Variants in CDH13 observed in about 807,000 individuals in gnomAD.
The protein encoded by CDH13 is cadherin-13.
A neutral mutation model predicts 63.8 loss-of-function variants in CDH13; 24 were observed. The observed-to-expected ratio is 0.38, with a 90% confidence interval of 0.27 to 0.53. CDH13 has a LOEUF of 0.53. CDH13 is among the 20% of genes least tolerant of loss of function. The probability of loss-of-function intolerance (pLI) is 0.85; values close to 1 mark genes in which losing one functional copy is unlikely to be tolerated. For missense variants in CDH13, 1,049 were observed against 903.1 expected (o/e 1.16, Z -2.07); for synonymous variants, 503 against 355.3 (o/e 1.42, Z -4.67).
intron 4 of CDH13, among the ~76,000 whole-genome samples, chr16:83,192,907 T>C (rs950712150): frequency 1.3e-5 from 2 of 152,088 alleles, no homozygotes; most frequent in Non-Finnish European, 2.9e-5. Context: ...AAATGGTGCA[T>C]GTGTCTTTAC....
At chr16:83,184,544 C>A (rs984091713) in intron 4 of CDH13, among the ~76,000 whole-genome samples, 2 of 152,116 alleles carry the variant, frequency 1.3e-5, no homozygotes, top group African/African-American at 4.8e-5. Context: ...CAACTGAGGT[C>A]AGGATTTCAA....
chr16:82,884,440 T>A, intron 2 of CDH13: 1 of 307,234 alleles, frequency 3.3e-6, no homozygotes, highest in South Asian at 3.0e-5. Flanking sequence ...GATGCTTAGT[T>A]AACAGCAGCA....
intron 4 of CDH13, among the ~76,000 whole-genome samples, chr16:83,188,066 G>A (rs1290361259): frequency 6.6e-6 from 1 of 152,208 alleles, no homozygotes; most frequent in African/African-American, 2.4e-5. Context: ...TTAGATAGGA[G>A]AAAAGCTGTG....
chr16:83,002,346 C>T (rs536051754), intron 2 of CDH13, among the ~76,000 whole-genome samples: 3 of 152,150 alleles, frequency 2.0e-5, no homozygotes, highest in Non-Finnish European at 4.4e-5. Context: ...GGCCTCAAGC[C>T]AAGAAACACC....
chr16:83,252,530 T>C (rs2151826805), intron 5 of CDH13, among the ~76,000 whole-genome samples: 1 of 152,220 alleles, frequency 6.6e-6, no homozygotes, highest in East Asian at 1.9e-4. Flanking sequence ...TCTTTCCTCA[T>C]GCTAAGAATG....
chr16:83,131,020 A>G (rs1022518631), intron 4 of CDH13, among the ~76,000 whole-genome samples: 24 of 152,184 alleles, frequency 1.6e-4, no homozygotes, highest in African/African-American at 5.8e-4. Context: ...ACTGATACAT[A>G]ATTTATCTGT....
intron 5 of CDH13, among the ~76,000 whole-genome samples, chr16:83,274,225 G>C (rs915569935): frequency 3.3e-5 from 5 of 152,222 alleles, no homozygotes; most frequent in Admixed American, 1.3e-4. Context: ...CTGGCAGGAA[G>C]GTGGCCTTAG....
chr16:82,792,625 G>T (rs1461553940), intron 1 of CDH13, among the ~76,000 whole-genome samples: 2 of 152,104 alleles, frequency 1.3e-5, no homozygotes, highest in African/African-American at 4.8e-5. Context: ...CAACTCTGAG[G>T]ACAAAGCCTG....
rs1450629730 is a variant in CDH13, at chr16:83,785,202, G to C, written c.2134+1730G>C. 2.6e-5 allele frequency among the ~76,000 whole-genome samples: 4 copies of C among 152,214 alleles called. No homozygotes were observed. In the South Asian group the frequency reaches 8.3e-4, roughly 32 times the overall value. On this transcript the variant is annotated intron_variant, in intron 13 of 13. Transcript: ENST00000567109. ...ACTATAACAAAATACCATAAACTGG[G>C]TGGCTTATAAATAACAGAGATGTAT...
At chr16:83,161,247 G>C (rs962016675) in intron 4 of CDH13, among the ~76,000 whole-genome samples, 1 of 152,238 alleles carries the variant, frequency 6.6e-6, no homozygotes, top group East Asian at 1.9e-4. Flanking sequence ...TGCTGGATTT[G>C]AGTAAAAGAC....
At chr16:82,901,324 CTGTG>C (rs61370328) in intron 2 of CDH13, among the ~76,000 whole-genome samples, 5,857 of 130,324 alleles carry the variant, frequency 0.045, 138 homozygotes, top group Non-Finnish European at 0.057. Flanking sequence ...TAGTATTCTC[CTGTG>C]TGTGTGTGTG....
intron 1 of CDH13, among the ~76,000 whole-genome samples, chr16:82,780,151 G>C (rs941173123): frequency 1.3e-5 from 2 of 152,092 alleles, no homozygotes; most frequent in African/African-American, 4.8e-5. Flanking sequence ...GTTGCTTGTA[G>C]GAATGGGGGT....
intron 4 of CDH13, among the ~76,000 whole-genome samples, chr16:83,128,688 T>G (rs1418412636): frequency 6.6e-6 from 1 of 152,242 alleles, no homozygotes; most frequent in African/African-American, 2.4e-5. Context: ...GGGTGAATTT[T>G]CTCACAAGCC....
intron 4 of CDH13, among the ~76,000 whole-genome samples, chr16:83,128,471 T>A (rs2151650015): frequency 6.6e-6 from 1 of 152,322 alleles, no homozygotes; most frequent in Non-Finnish European, 1.5e-5. Flanking sequence ...GAAATGCACT[T>A]TCTCCTCCTG....
At chr16:83,299,038 GA>G (rs2089668232) in intron 5 of CDH13, among the ~76,000 whole-genome samples, 1 of 152,034 alleles carries the variant, frequency 6.6e-6, no homozygotes, top group Non-Finnish European at 1.5e-5. Context: ...ACCACCAAAA[GA>G]TAAGCAATGT....
At chr16:83,678,153 C>G in intron 9 of CDH13, 55 bp from the exon 10 acceptor site, 2 of 1,559,618 alleles carry the variant, frequency 1.3e-6, no homozygotes, top group South Asian at 1.2e-5. Flanking sequence ...TTGATGCAAA[C>G]CACCTGCCTT....
At chr16:83,663,467 A>T (rs1054217648) in intron 8 of CDH13, among the ~76,000 whole-genome samples, 13 of 152,218 alleles carry the variant, frequency 8.5e-5, no homozygotes, top group African/African-American at 2.9e-4. Flanking sequence ...AGAACTGGTT[A>T]CTATTCTCAT....
At chr16:83,235,949 T>G (rs2040130739) in intron 5 of CDH13, among the ~76,000 whole-genome samples, 1 of 152,192 alleles carries the variant, frequency 6.6e-6, no homozygotes, top group Admixed American at 6.5e-5. Flanking sequence ...AAGTTTTGAG[T>G]TGTTACCATT....
chr16:83,377,751 G>A (rs564632976), intron 6 of CDH13, among the ~76,000 whole-genome samples: 1 of 152,248 alleles, frequency 6.6e-6, no homozygotes, highest in African/African-American at 2.4e-5. Context: ...CCCATGTTTT[G>A]GGAGTCAATA....
Sources: allele counts gnomAD v4.1 joint callset (sites outside exome capture counted in the v4.1 genomes callset), GRCh38; gene constraint gnomAD v4.1.1; transcripts MANE v1.5; gene names NCBI Gene and HGNC (gene_info 2026-07-23, HGNC 2026-07-21).